Variants in HOOK1 observed in about 807,000 individuals in gnomAD.
HOOK1 encodes the protein protein Hook homolog 1.
Under a neutral mutation model 112.8 loss-of-function variants are expected in HOOK1, and 60 were observed. The ratio of observed to expected loss-of-function variants is 0.53; its 90% confidence interval spans 0.43 to 0.66. HOOK1 has a LOEUF of 0.66. HOOK1 is among the 30% of genes least tolerant of loss of function. The probability of loss-of-function intolerance (pLI) is 0.00; values close to 1 mark genes in which losing one functional copy is unlikely to be tolerated. For synonymous variants in HOOK1, 294 were observed against 283.8 expected (o/e 1.04, Z -0.36); for missense variants, 770 against 856.0 (o/e 0.90, Z 1.25).
intron 12 of HOOK1, among the ~76,000 whole-genome samples, chr1:59,854,444 A>T (rs564299861): frequency 2.6e-5 from 4 of 151,826 alleles, no homozygotes; most frequent in South Asian, 2.1e-4. Context: ...TTCAACCTGA[A>T]GGACTCCTTT....
At chr1:59,819,781 G>A (rs944454597) in intron 1 of HOOK1, among the ~76,000 whole-genome samples, 3 of 152,160 alleles carry the variant, frequency 2.0e-5, no homozygotes, top group Admixed American at 6.5e-5. Context: ...GTTTAAGTTG[G>A]AAGGGCTGAA....
At chr1:59,858,358 AT>A in intron 12 of HOOK1, 69 bp from the exon 13 acceptor site, 1 of 961,770 alleles carries the variant, frequency 1.0e-6, no homozygotes, top group South Asian at 1.3e-5. Context: ...GTTAAGATAA[AT>A]TGTAAGCATA....
intron 4 of HOOK1, 58 bp downstream of exon 4, chr1:59,832,271 G>C: frequency 9.8e-7 from 1 of 1,018,674 alleles, no homozygotes; most frequent in Non-Finnish European, 1.5e-6. Context: ...ATTACTTTAA[G>C]ACTGAAAAAT....
In HOOK1 at chr1:59,873,862, T is replaced by C. The variant is rs2102082960; in HGVS notation, c.*897T>C. On this transcript the variant is annotated 3_prime_UTR_variant, in exon 22 of 22. Coordinates refer to ENST00000371208, the MANE Select transcript of HOOK1 (RefSeq NM_015888.6). ...GTTGTATTTAGCTTCTGCTGAAAAA[T>C]TGTATCATATAATAATTTTGCTTCA... The C allele has an allele frequency of 6.6e-6, 1 of 150,500 alleles. No homozygotes were observed. The highest frequency in any genetic ancestry group is 2.1e-4 in the South Asian group (1 of 4,774). 9.3% of individuals were successfully genotyped at this position (150,500 alleles called of 1,614,324 possible). A position where few individuals can be genotyped will look rare whatever the true frequency, so the allele number is the denominator to read the frequency against.
intron 9 of HOOK1, among the ~76,000 whole-genome samples, chr1:59,844,262 T>C (rs541561139): frequency 6.6e-6 from 1 of 152,042 alleles, no homozygotes; most frequent in Non-Finnish European, 1.5e-5. Flanking sequence ...AGTCATATAA[T>C]TTTCATATTT....
chr1:59,865,127 G>T (rs1307976409), intron 17 of HOOK1, 36 bp from the exon 18 acceptor site: 1 of 1,272,450 alleles, frequency 7.9e-7, no homozygotes, highest in South Asian at 1.2e-5. Flanking sequence ...ATGTTATATG[G>T]CAGAGACCAG....
Position 59,869,252 on chromosome 1 carries a change from C to T in HOOK1, c.1947+901C>T, listed in dbSNP as rs9436610. 4.0e-3 allele frequency among the ~76,000 whole-genome samples: 608 copies of T among 151,478 alleles called. 1 individual carries two copies. Among genetic ancestry groups the T allele is most frequent in the African/African-American group, 0.014 (562 of 41,260 alleles). ...TGTCGCCCAGGCTGGGTTGCAGTGG[C>T]GTAATCTCAGCTCACTGCAACCTCC... On this transcript the variant is annotated intron_variant, in intron 20 of 21. Coordinates refer to ENST00000371208, the MANE Select transcript of HOOK1 (RefSeq NM_015888.6).
Position 59,862,819 on chromosome 1 carries a change from A to G in HOOK1, c.1568A>G (p.Gln523Arg). ...GAGCGTATTAGAGAATTGCAGCAGCAGATTGAGGACCTCCAGAAATCTTTA... is the reference window on the plus strand; with the variant it reads ...GAGCGTATTAGAGAATTGCAGCAGCGGATTGAGGACCTCCAGAAATCTTTA... ...SKERIRELQQ[Q>R]IEDLQKSLQE... is the part of the protein sequence containing the mutation. The change falls in exon 16 of 22, where the codon CAG becomes CGG. Residue 523 changes from glutamine to arginine, a missense_variant. Gln to Arg is a conservative substitution (Grantham distance 43, BLOSUM62 1). Coordinates refer to ENST00000371208, the MANE Select transcript of HOOK1 (RefSeq NM_015888.6). 6.2e-7 allele frequency: 1 copy of G among 1,612,300 alleles called. No homozygotes were observed.
At chr1:59,822,795 T>C (rs111312498) in intron 2 of HOOK1, among the ~76,000 whole-genome samples, 5 of 152,334 alleles carry the variant, frequency 3.3e-5, no homozygotes, top group African/African-American at 1.2e-4. Context: ...TTGAAAACCC[T>C]TTAGATGGGT....
chr1:59,844,240 A>G (rs12081153), intron 9 of HOOK1, among the ~76,000 whole-genome samples: 22,198 of 151,912 alleles, frequency 0.15, 2,503 homozygotes, highest in African/African-American at 0.32. Context: ...TGCTTTAGCA[A>G]TCTCTGTATA....
chr1:59,871,133 A>G, intron 21 of HOOK1, 23 bp downstream of exon 21: 1 of 1,558,010 alleles, frequency 6.4e-7, no homozygotes. Flanking sequence ...TCAGCAAATG[A>G]TTGGATGAGA....
At chr1:59,821,183 C>A (rs187434043) in intron 1 of HOOK1, among the ~76,000 whole-genome samples, 25 of 152,212 alleles carry the variant, frequency 1.6e-4, no homozygotes, top group Admixed American at 1.6e-3. Context: ...ATGTAATTTG[C>A]TTTCTAAATT....
rs1215230849 is a variant in HOOK1 at position 59,846,576 on chromosome 1, TTCCTTCCTTCCTCCC to T, written c.789-464_789-450del. ...CTTCCTTCCTTCCTTCCTTCCTTCC[TTCCTTCCTTCCTCCC>T]TCCTCCCTCCCTCCCTCCCTCTCTC... On this transcript the variant is annotated intron_variant, in intron 9 of 21. Coordinates refer to ENST00000371208, the MANE Select transcript of HOOK1 (RefSeq NM_015888.6). Among the ~76,000 whole-genome samples, 16 of 85,246 alleles carry T rather than the reference TTCCTTCCTTCCTCCC, an allele frequency of 1.9e-4. 1 individual carries two copies. In the East Asian group the frequency reaches 3.0e-3, roughly 16 times the overall value. 55.9% of individuals were successfully genotyped at this position (85,246 alleles called of 152,430 possible).
chr1:59,851,582 AT>A (rs2098407172), intron 12 of HOOK1, among the ~76,000 whole-genome samples: 1 of 151,590 alleles, frequency 6.6e-6, no homozygotes, highest in Non-Finnish European at 1.5e-5. Context: ...GATTATCTAT[AT>A]GTAAGATTAT....
chr1:59,845,480 G>A (rs559074994), intron 9 of HOOK1, among the ~76,000 whole-genome samples: 21 of 151,922 alleles, frequency 1.4e-4, no homozygotes, highest in Admixed American at 6.6e-4. Flanking sequence ...ATTAGGATCC[G>A]TCAAGTATGA....
chr1:59,824,277 G>A (rs1233557244), intron 2 of HOOK1, among the ~76,000 whole-genome samples: 4 of 150,560 alleles, frequency 2.7e-5, no homozygotes, highest in Non-Finnish European at 5.9e-5. Flanking sequence ...GTACAATCAC[G>A]GCCCACTGCA....
At chr1:59,828,911 A>G (rs2098391884) in intron 3 of HOOK1, 59 bp downstream of exon 3, 1 of 1,296,882 alleles carries the variant, frequency 7.7e-7, no homozygotes, top group Non-Finnish European at 1.1e-6. Context: ...AGTTAGCACT[A>G]AGTTAACCAA....
chr1:59,859,009 A>G lies in HOOK1; in HGVS notation c.1355A>G (p.Glu452Gly). ...QTDASATKSY[E>G]NLAAEIMPVE... is the part of the protein sequence containing the mutation. ...GATGCATCTGCTACAAAAAGTTATG[A>G]GAATCTTGCTGCTGAGATTATGCCA... The change falls in exon 14 of 22, where the codon GAG becomes GGG. Residue 452 changes from glutamate to glycine, a missense_variant. Physicochemically the swap from Glu to Gly is moderately conservative, Grantham distance 98. Around this residue, in one of 3 missense-constraint regions of HOOK1, gnomAD observed 655 missense variants for 725.9 expected, o/e 0.90. Transcript: ENST00000371208. 6.3e-7 allele frequency: 1 copy of G among 1,576,842 alleles called. No individual in the cohort carries two copies. Among genetic ancestry groups the G allele is most frequent in the Non-Finnish European group, 8.7e-7 (1 of 1,150,314 alleles).
At chr1:59,855,219 G>A (rs1466671208) in intron 12 of HOOK1, among the ~76,000 whole-genome samples, 2 of 152,188 alleles carry the variant, frequency 1.3e-5, no homozygotes, top group Non-Finnish European at 2.9e-5. Flanking sequence ...TCATCGTAAA[G>A]ATTGTTTCCT....
Sources: gnomAD v4.1 joint callset for allele counts (sites outside exome capture counted in the v4.1 genomes callset) on GRCh38, gnomAD v4.1.1 for gene constraint, gnomAD v4.1.1 regional missense constraint, MANE v1.5 for transcripts, NCBI Gene and HGNC (gene_info 2026-07-23, HGNC 2026-07-21) for gene names.